SERTAD1: variants seen among roughly 807,000 people sequenced by gnomAD.
SERTAD1 encodes the protein SERTA domain containing 1.
A neutral mutation model predicts 11.7 loss-of-function variants in SERTAD1; 5 were observed. The ratio of observed to expected loss-of-function variants is 0.43; its 90% CI spans 0.22 to 0.90. The LOEUF (loss-of-function observed/expected upper bound fraction) is 0.90, where lower values mean the gene tolerates loss of function less well. Ranked by LOEUF, SERTAD1 falls within the 40% of genes least tolerant of loss-of-function variation. The pLI is 0.27. For missense variants in SERTAD1, 287 were observed against 313.9 expected (o/e 0.91, Z 0.65); for synonymous variants, 139 against 141.4 (o/e 0.98, Z 0.12).
At chr19:40,424,491 T>C (rs1599673659) in intron 1 of SERTAD1, among the ~76,000 whole-genome samples, 1 of 152,284 alleles carries the variant, frequency 6.6e-6, no homozygotes, top group East Asian at 1.9e-4. Flanking sequence ...TCACGTAGTT[T>C]AATATTTATT....
chr19:40,425,687 G>A (rs912059943), intron 1 of SERTAD1, among the ~76,000 whole-genome samples, 180 bp downstream of exon 1: 1 of 152,134 alleles, frequency 6.6e-6, no homozygotes. Context: ...CGGCGCCTCC[G>A]CCCCCTTCTC....
rs766436934 is a variant in SERTAD1 at position 40,422,946 on chromosome 19, C to A, written c.601G>T (p.Gly201Trp). 2.5e-6 allele frequency: 4 copies of A among 1,608,822 alleles called. No homozygotes were observed. The highest frequency in any genetic ancestry group is 1.3e-5 in the African/African-American group (1 of 74,950). ...TCCGGAGCTTCCTCCTTGCCCGGCCCATCCTCAGGGCCTGGTTTGAGGCCC... is the reference window on the plus strand; with the variant it reads ...TCCGGAGCTTCCTCCTTGCCCGGCCAATCCTCAGGGCCTGGTTTGAGGCCC... ...SEGLKPGPED[G>W]PGKEEAPELD... is the part of the protein sequence containing the mutation. The change falls in exon 2 of 2, where the codon GGG becomes TGG. Residue 201 changes from glycine (G) to tryptophan (W), a missense_variant. Physicochemically the swap from Gly to Trp is radical, Grantham distance 184 (BLOSUM62 -2). Coordinates refer to ENST00000357949, the MANE Select transcript of SERTAD1 (RefSeq NM_013376.4).
chr19:40,424,299 T>C (rs1031450497), intron 1 of SERTAD1, among the ~76,000 whole-genome samples: 10 of 152,042 alleles, frequency 6.6e-5, no homozygotes, highest in African/African-American at 2.4e-4. Context: ...AGATTACAAG[T>C]GTGAGCTGCC....
intron 1 of SERTAD1, among the ~76,000 whole-genome samples, chr19:40,424,007 C>T (rs955757926): frequency 6.6e-6 from 1 of 152,020 alleles, no homozygotes; most frequent in Non-Finnish European, 1.5e-5. Context: ...GGATTACATG[C>T]GTGAGCCACC....
Position 40,423,560 on chromosome 19 carries a change from G to A in SERTAD1, c.1-14C>T, listed in dbSNP as rs762835227. The A allele has an allele frequency of 1.6e-5, 23 of 1,444,044 alleles. No individual in the cohort carries two copies. Among genetic ancestry groups the A allele is most frequent in the Non-Finnish European group, 2.1e-5 (22 of 1,051,622 alleles). 89.5% of individuals were successfully genotyped at this position (1,444,044 alleles called of 1,614,324 possible). On this transcript the variant is annotated splice_polypyrimidine_tract_variant and intron_variant, in intron 1 of 1. Coordinates refer to ENST00000357949, the MANE Select transcript of SERTAD1 (RefSeq NM_013376.4). ...CTTGCTCAGCATCTGCAGAGGGCAG[G>A]GAGTTATGGAGTTATAGTCAGTTAT...
rs576810872 is a variant in SERTAD1 at position 40,422,587 on chromosome 19, C to T, written c.*249G>A. ...AGAGAAGGAACAGCCCAAGCTATGACCCCAGGGCCAGGGAATTCAGTCCCC... is the reference window on the plus strand; with the variant it reads ...AGAGAAGGAACAGCCCAAGCTATGATCCCAGGGCCAGGGAATTCAGTCCCC... On this transcript the variant is annotated 3_prime_UTR_variant, in exon 2 of 2. Transcript: ENST00000357949. 2.8e-4 allele frequency: 138 copies of T among 487,264 alleles called. No individual in the cohort carries two copies. The highest frequency in any genetic ancestry group is 2.2e-3 in the African/African-American group (111 of 50,808). The allele number at this position is 487,264 out of a possible 1,614,324, so 30.2% of individuals were successfully genotyped here.
At position 40,423,260 on chromosome 19, in the gene SERTAD1, G is replaced by GC; in HGVS notation, c.286dup (p.Ala96GlyfsTer6). The GC allele has an allele frequency of 6.2e-7, 1 of 1,607,772 alleles. No individual in the cohort carries two copies. On this transcript the variant is annotated frameshift_variant, in exon 2 of 2. Coordinates refer to ENST00000357949, the MANE Select transcript of SERTAD1 (RefSeq NM_013376.4). LOFTEE classifies it high-confidence loss of function. ...CAGTAAGTTGTCAGCCACACTGGGG[G>GC]CTGCAGGTGGGCTAGGCACAGGTGG...
At chr19:40,424,825 G>C (rs1433938871) in intron 1 of SERTAD1, among the ~76,000 whole-genome samples, 1 of 152,260 alleles carries the variant, frequency 6.6e-6, no homozygotes, top group African/African-American at 2.4e-5. Flanking sequence ...GCAGCTAGGG[G>C]AACGGGCACA....
At position 40,422,444 on chromosome 19, in the gene SERTAD1, A is replaced by C. The variant is rs539139202; in HGVS notation, c.*392T>G. 1.3e-4 allele frequency: 27 copies of C among 207,948 alleles called. No individual in the cohort carries two copies. Among genetic ancestry groups the C allele is most frequent in the Non-Finnish European group, 9.6e-6 (1 of 103,712 alleles). 12.9% of individuals were successfully genotyped at this position (207,948 alleles called of 1,614,324 possible). On this transcript the variant is annotated 3_prime_UTR_variant, in exon 2 of 2. Transcript: ENST00000357949. The stretch of plus-strand genomic sequence containing the variant: ...TCGTACACAGCCTACGCCCAATAAA[A>C]TGTTTGATGTTTTTATCTCGCCTTC...
In SERTAD1 at chr19:40,423,193, G is replaced by A. The variant is rs1380155997; in HGVS notation, c.354C>T (p.Leu118=). 2.5e-6 allele frequency: 4 copies of A among 1,600,974 alleles called. No homozygotes were observed. Among genetic ancestry groups the A allele is most frequent in the Non-Finnish European group, 3.4e-6 (4 of 1,172,334 alleles). The part of the protein sequence containing the change: ...DAALSASMAS[L]LEDLSHIEGL... ...CCTCAATGTGGCTGAGGTCCTCCAG[G>A]AGGCTGGCCATGGAGGCTGAAAGGG... Residue 118 remains leucine, a synonymous_variant, in exon 2 of 2, where the codon CTC becomes CTT. Coordinates refer to ENST00000357949, the MANE Select transcript of SERTAD1 (RefSeq NM_013376.4).
intron 1 of SERTAD1, among the ~76,000 whole-genome samples, chr19:40,425,023 G>C (rs1311766297): frequency 1.3e-5 from 2 of 152,178 alleles, no homozygotes; most frequent in African/African-American, 4.8e-5. Flanking sequence ...GGGGATCTGA[G>C]ACCCACTGGT....
At chr19:40,425,042 C>T (rs891657427) in intron 1 of SERTAD1, among the ~76,000 whole-genome samples, 3 of 152,072 alleles carry the variant, frequency 2.0e-5, no homozygotes, top group Non-Finnish European at 2.9e-5. Context: ...GTAGGCTGTA[C>T]TCGTTTGGGA....
intron 1 of SERTAD1, among the ~76,000 whole-genome samples, chr19:40,425,044 C>T (rs2145758184): frequency 6.6e-6 from 1 of 152,128 alleles, no homozygotes; most frequent in Non-Finnish European, 1.5e-5. Context: ...AGGCTGTACT[C>T]GTTTGGGACG....
Position 40,422,729 on chromosome 19 carries a change from C to A in SERTAD1, c.*107G>T. On this transcript the variant is annotated 3_prime_UTR_variant, in exon 2 of 2. Coordinates refer to ENST00000357949, the MANE Select transcript of SERTAD1 (RefSeq NM_013376.4). ...TAGATTCTGTCTCTCCAAAGTGGCC[C>A]AAGCCCTGTTCTCTGTACTAGGGAA... The A allele has an allele frequency of 7.7e-7, 1 of 1,292,092 alleles. No homozygotes were observed. Among genetic ancestry groups the A allele is most frequent in the Non-Finnish European group, 1.0e-6 (1 of 966,618 alleles). The allele number at this position is 1,292,092 out of a possible 1,614,324, so 80.0% of individuals were successfully genotyped here.
At chr19:40,424,174 A>AC (rs1190679854) in intron 1 of SERTAD1, among the ~76,000 whole-genome samples, 8 of 146,476 alleles carry the variant, frequency 5.5e-5, no homozygotes. Context: ...GTCAATAAGT[A>AC]CTTTTTTTTT....
chr19:40,424,582 A>G (rs1386107627), intron 1 of SERTAD1, among the ~76,000 whole-genome samples: 1 of 152,238 alleles, frequency 6.6e-6, no homozygotes, highest in East Asian at 1.9e-4. Context: ...AGACACTAAA[A>G]GTTCCTAGAG....
rs1238753984 is a variant in SERTAD1 at position 40,421,905 on chromosome 19, T to C, written c.*931A>G. The C allele has an allele frequency of 4.0e-5, 6 of 151,004 alleles. No homozygotes were observed. Among genetic ancestry groups the C allele is most frequent in the African/African-American group, 1.5e-4 (6 of 41,044 alleles). The allele number at this position is 151,004 out of a possible 1,614,324, so 9.4% of individuals were successfully genotyped here. A position where few individuals can be genotyped will look rare whatever the true frequency, so the allele number is the denominator to read the frequency against. On this transcript the variant is annotated 3_prime_UTR_variant, in exon 2 of 2. Transcript: ENST00000357949. ...GGCTCACGCCTGTAATCCCAGCACT[T>C]TGGGAGGCTGAGGCAGGCAGATCAC...
In SERTAD1 at chr19:40,422,199, T is replaced by C. The variant is rs2079600581; in HGVS notation, c.*637A>G. 1.4e-5 allele frequency: 2 copies of C among 147,892 alleles called. No individual in the cohort carries two copies. Among genetic ancestry groups the C allele is most frequent in the South Asian group, 2.1e-4 (1 of 4,678 alleles). The allele number at this position is 147,892 out of a possible 1,614,324, so 9.2% of individuals were successfully genotyped here. On this transcript the variant is annotated 3_prime_UTR_variant, in exon 2 of 2. Coordinates refer to ENST00000357949, the MANE Select transcript of SERTAD1 (RefSeq NM_013376.4). ...TGAGCCCAGGAGTTTGAGGCTGTAG[T>C]GAGCCATGATCAGACCACTGTACTT...
chr19:40,423,535 C>T lies in SERTAD1; in HGVS notation c.12G>A (p.Lys4=), dbSNP rs776190167. ...CCTCCTCCCGTTTCCGCTTCAGACCCTTGCTCAGCATCTGCAGAGGGCAGG... is the reference window on the plus strand; with the variant it reads ...CCTCCTCCCGTTTCCGCTTCAGACCTTTGCTCAGCATCTGCAGAGGGCAGG... MLS[K]GLKRKREEEE... is the part of the protein sequence containing the mutation. Residue 4 remains lysine (K), a synonymous_variant, in exon 2 of 2, where the codon AAG becomes AAA. Coordinates refer to ENST00000357949, the MANE Select transcript of SERTAD1 (RefSeq NM_013376.4). 8 of 1,592,876 alleles carry T rather than the reference C, an allele frequency of 5.0e-6. No individual in the cohort carries two copies. The African/African-American group carries it at 6.7e-5, about 13-fold the overall frequency.
Sources: gnomAD v4.1 joint callset for allele counts (sites outside exome capture counted in the v4.1 genomes callset) on GRCh38, gnomAD v4.1.1 for gene constraint, MANE v1.5 for transcripts, NCBI Gene and HGNC (gene_info 2026-07-23, HGNC 2026-07-21) for gene names.